The following RPS6KC1 variants were observed in gnomAD, a reference collection of about 807,000 sequenced individuals.
RPS6KC1 encodes the protein inactive ribosomal protein S6 kinase delta-1.
RPS6KC1 carries 54 observed loss-of-function variants against 103.8 expected under a neutral mutation model. The observed-to-expected ratio is 0.52, with a 90% CI of 0.42 to 0.65. The LOEUF is 0.65. Among genes scored for constraint, RPS6KC1 ranks in the 30% least tolerant of loss-of-function variants. The pLI is 0.00. For missense variants in RPS6KC1, 1,151 were observed against 1,253.8 expected (o/e 0.92, Z 1.24); for synonymous variants, 439 against 438.7 (o/e 1.00, Z -0.01).
the RPS6KC1 span, among the ~76,000 whole-genome samples, chr1:213,657,477 T>C: frequency 7.9e-5 from 12 of 152,170 alleles, no homozygotes; most frequent in Admixed American, 7.9e-4. Context: ...TTTTTTGCCT[T>C]GGAATTCTCA....
chr1:213,272,488 G>C (rs753651457), intron 14 of RPS6KC1, 36 bp from the exon 15 acceptor site: 2 of 1,489,564 alleles, frequency 1.3e-6, no homozygotes, highest in African/African-American at 2.8e-5. Flanking sequence ...TTTGCCAGTT[G>C]GATTCCTGTT....
chr1:213,311,885 A>G, the RPS6KC1 span, among the ~76,000 whole-genome samples: 1 of 149,236 alleles, frequency 6.7e-6, no homozygotes, highest in Non-Finnish European at 1.5e-5. Context: ...GCCAAGCCTC[A>G]GGAGGATCTT....
chr1:213,463,941 C>T, the RPS6KC1 span, among the ~76,000 whole-genome samples: 4 of 152,068 alleles, frequency 2.6e-5, no homozygotes, highest in African/African-American at 7.2e-5. Flanking sequence ...ATTATAAATG[C>T]GTGTTGATTT....
the RPS6KC1 span, among the ~76,000 whole-genome samples, chr1:213,714,129 T>C: frequency 1.3e-5 from 2 of 152,250 alleles, no homozygotes; most frequent in African/African-American, 2.4e-5. Flanking sequence ...TGTGACCTTA[T>C]GTAAATTACT....
At chr1:213,733,105 T>A in the RPS6KC1 span, among the ~76,000 whole-genome samples, 673 of 152,326 alleles carry the variant, frequency 4.4e-3, 7 homozygotes, top group Middle Eastern at 0.041. Context: ...GCCATGAAAA[T>A]GGGAGTGCAG....
intron 10 of RPS6KC1, among the ~76,000 whole-genome samples, chr1:213,234,390 C>A (rs2094177658): frequency 1.3e-5 from 2 of 152,114 alleles, no homozygotes; most frequent in African/African-American, 4.8e-5. Context: ...AGGAACTATA[C>A]AGATCTTTAA....
chr1:213,499,615 G>T, the RPS6KC1 span, among the ~76,000 whole-genome samples: 3 of 152,078 alleles, frequency 2.0e-5, no homozygotes, highest in Non-Finnish European at 4.4e-5. Flanking sequence ...ATGCTGGCTC[G>T]CTTGCTGCTC....
At chr1:213,602,112 CTTTCTTTCTCTT>C in the RPS6KC1 span, among the ~76,000 whole-genome samples, 4 of 39,344 alleles carry the variant, frequency 1.0e-4, no homozygotes, top group African/African-American at 3.4e-4. Context: ...TTCTTTCTTT[CTTTCTTTCTCTT>C]TCTTTCTTTC....
chr1:213,107,694 T>G (rs1234995705), intron 4 of RPS6KC1, among the ~76,000 whole-genome samples: 5 of 152,366 alleles, frequency 3.3e-5, no homozygotes, highest in Non-Finnish European at 2.9e-5. Context: ...CTGGATCTTA[T>G]GGTAAATTCG....
At chr1:213,178,473 A>G (rs1288097365) in intron 8 of RPS6KC1, among the ~76,000 whole-genome samples, 1 of 151,866 alleles carries the variant, frequency 6.6e-6, no homozygotes, top group African/African-American at 2.4e-5. Context: ...CCTGGGAGGC[A>G]GAGGTTACAA....
Position 213,241,357 on chromosome 1 carries a change from A to G in RPS6KC1, c.1881A>G (p.Glu627=). The G allele has an allele frequency of 3.1e-6, 5 of 1,613,848 alleles. No individual in the cohort carries two copies. Among genetic ancestry groups the G allele is most frequent in the Non-Finnish European group, 3.4e-6 (4 of 1,179,886 alleles). Residue 627 remains glutamate, a synonymous_variant, in exon 11 of 15, where the codon GAA becomes GAG. Transcript: ENST00000366960. ...FGEKLYSLKS[E]PLKPFFTLPD... ...AAAAATTGTATAGTCTAAAATCAGA[A>G]CCTTTGAAACCATTCTTTACTCTTC...
the RPS6KC1 span, among the ~76,000 whole-genome samples, chr1:213,606,374 C>T: frequency 6.6e-6 from 1 of 152,162 alleles, no homozygotes; most frequent in Non-Finnish European, 1.5e-5. Context: ...TGTTCGGTGC[C>T]CACATCAGTC....
chr1:213,646,123 A>G, the RPS6KC1 span, among the ~76,000 whole-genome samples: 64,433 of 151,862 alleles, frequency 0.42, 14,164 homozygotes, highest in Non-Finnish European at 0.5. Flanking sequence ...CTGAAGTTTT[A>G]TAACTTGTGG....
chr1:213,056,013 C>G (rs532907209), intron 1 of RPS6KC1, among the ~76,000 whole-genome samples: 2 of 152,242 alleles, frequency 1.3e-5, no homozygotes, highest in African/African-American at 4.8e-5. Flanking sequence ...AAGTGTTACT[C>G]CCTCCTCAGC....
At chr1:213,397,370 C>T in the RPS6KC1 span, among the ~76,000 whole-genome samples, 1 of 152,114 alleles carries the variant, frequency 6.6e-6, no homozygotes, top group South Asian at 2.1e-4. Context: ...TGGCACCACT[C>T]AGCCCCCAGT....
chr1:213,672,765 C>T, the RPS6KC1 span, among the ~76,000 whole-genome samples: 3 of 152,184 alleles, frequency 2.0e-5, no homozygotes, highest in African/African-American at 4.8e-5. Flanking sequence ...GCATAACCAA[C>T]AGTGGGCTAG....
At chr1:213,769,593 A>G in the RPS6KC1 span, among the ~76,000 whole-genome samples, 1 of 152,082 alleles carries the variant, frequency 6.6e-6, no homozygotes, top group African/African-American at 2.4e-5. Flanking sequence ...GCCTGTCCTC[A>G]CTCTCAAATG....
rs188561162 is a variant in RPS6KC1, at chr1:213,217,329, T to C, written c.1045-13168T>C. Among the ~76,000 whole-genome samples the C allele has an allele frequency of 3.4e-4, 52 of 152,200 alleles. 1 individual carries two copies. The highest frequency in any genetic ancestry group is 3.0e-3 in the Admixed American group (46 of 15,296). On this transcript the variant is annotated intron_variant, in intron 8 of 14. Transcript: ENST00000366960. ...CTCCCAAGACTAAACCAGGAAGAAG[T>C]TGAAACTCTGAATAGACCAATAACA...
intron 8 of RPS6KC1, among the ~76,000 whole-genome samples, chr1:213,198,539 A>C (rs1302159608): frequency 1.3e-5 from 2 of 152,218 alleles, no homozygotes; most frequent in Admixed American, 1.3e-4. Flanking sequence ...TATTCCCTAA[A>C]ATAAGTTTTC....
Sources: gnomAD v4.1 joint callset for allele counts (sites outside exome capture counted in the v4.1 genomes callset) on GRCh38, gnomAD v4.1.1 for gene constraint, MANE v1.5 for transcripts, NCBI Gene and HGNC (gene_info 2026-07-23, HGNC 2026-07-21) for gene names.